KCNC2: variants seen among roughly 807,000 people sequenced by gnomAD.
The protein encoded by KCNC2 is potassium voltage-gated channel subfamily C member 2.
KCNC2 carries 21 observed loss-of-function variants against 44.5 expected under a neutral mutation model. That is an observed-to-expected ratio of 0.47 (90% CI 0.33 to 0.68). The LOEUF is 0.68. KCNC2 is among the 30% of genes least tolerant of loss of function. KCNC2 has a pLI of 0.01. For synonymous variants in KCNC2, 391 were observed against 339.1 expected (o/e 1.15, Z -1.68); for missense variants, 589 against 826.2 (o/e 0.71, Z 3.52).
intron 2 of KCNC2, among the ~76,000 whole-genome samples, chr12:75,200,056 G>A (rs2031109053): frequency 6.6e-6 from 1 of 151,602 alleles, no homozygotes; most frequent in South Asian, 2.1e-4. Flanking sequence ...CAACTGGAAG[G>A]GAATCTTGAA....
chr12:75,047,194 G>A (rs1339060559), intron 4 of KCNC2, among the ~76,000 whole-genome samples: 1 of 151,946 alleles, frequency 6.6e-6, no homozygotes, highest in African/African-American at 2.4e-5. Context: ...AACTGGAATT[G>A]TCAAAGTAGA....
At chr12:75,105,044 T>C (rs897749517) in intron 2 of KCNC2, among the ~76,000 whole-genome samples, 5 of 152,134 alleles carry the variant, frequency 3.3e-5, no homozygotes, top group African/African-American at 1.2e-4. Context: ...TTTATTCTGG[T>C]AGAGAAGTCA....
At position 75,042,977 on chromosome 12, in the gene KCNC2, G is replaced by A; in HGVS notation, c.*128C>T. 1 of 1,424,744 alleles carries A rather than the reference G, an allele frequency of 7.0e-7. No individual in the cohort carries two copies. Among genetic ancestry groups the A allele is most frequent in the Non-Finnish European group, 9.2e-7 (1 of 1,088,290 alleles). The allele number at this position is 1,424,744 out of a possible 1,614,324, so 88.3% of individuals were successfully genotyped here. A position where few individuals can be genotyped will look rare whatever the true frequency, so the allele number is the denominator to read the frequency against. On this transcript the variant is annotated 3_prime_UTR_variant, in exon 5 of 5. Coordinates refer to ENST00000549446, the MANE Select transcript of KCNC2 (RefSeq NM_139137.4). The stretch of plus-strand genomic sequence containing the variant: ...GTGGCATTTCTGACTTCAAATTGTA[G>A]TATCATGCAAGATTTATACTGTATT...
intron 2 of KCNC2, among the ~76,000 whole-genome samples, chr12:75,204,560 A>G (rs1252724591): frequency 1.3e-5 from 2 of 152,168 alleles, no homozygotes; most frequent in Non-Finnish European, 2.9e-5. Flanking sequence ...ATGTTAAAAA[A>G]TAAGAGTGTT....
intron 2 of KCNC2, among the ~76,000 whole-genome samples, chr12:75,194,470 A>C (rs754985009): frequency 2.0e-5 from 3 of 152,180 alleles, no homozygotes. Flanking sequence ...TCTAGCCTCC[A>C]AAACTGTAAG....
intron 2 of KCNC2, among the ~76,000 whole-genome samples, chr12:75,076,038 T>TACACACACACAC (rs71078709): frequency 3.5e-4 from 50 of 141,412 alleles, no homozygotes; most frequent in East Asian, 2.7e-3. Context: ...TAATGTTACA[T>TACACACACACAC]ACACACACAC....
At chr12:75,106,673 A>C (rs1307547237) in intron 2 of KCNC2, among the ~76,000 whole-genome samples, 2 of 152,176 alleles carry the variant, frequency 1.3e-5, no homozygotes, top group Non-Finnish European at 2.9e-5. Flanking sequence ...TAGAAGGTAA[A>C]TAAAAAACAC....
chr12:75,054,405 G>T (rs1881517952), intron 2 of KCNC2, among the ~76,000 whole-genome samples: 1 of 151,908 alleles, frequency 6.6e-6, no homozygotes, highest in African/African-American at 2.4e-5. Context: ...TTCTGAAGAG[G>T]GGAAAAGGAA....
At chr12:75,163,089 A>G (rs1314557298) in intron 2 of KCNC2, among the ~76,000 whole-genome samples, 1 of 151,716 alleles carries the variant, frequency 6.6e-6, no homozygotes, top group Non-Finnish European at 1.5e-5. Flanking sequence ...GGCATGCTCT[A>G]TTTGCTCTAA....
intron 2 of KCNC2, among the ~76,000 whole-genome samples, chr12:75,055,727 G>C (rs565534266): frequency 6.6e-6 from 1 of 152,100 alleles, no homozygotes; most frequent in Non-Finnish European, 1.5e-5. Context: ...GAATGGCCAG[G>C]ACTCTTATTT....
chr12:75,143,227 G>A (rs1283013628), intron 2 of KCNC2, among the ~76,000 whole-genome samples: 1 of 152,168 alleles, frequency 6.6e-6, no homozygotes, highest in South Asian at 2.1e-4. Context: ...AAGTGAGGGA[G>A]TTGACCTCGG....
At chr12:75,079,466 G>C (rs753583869) in intron 2 of KCNC2, among the ~76,000 whole-genome samples, 1 of 152,080 alleles carries the variant, frequency 6.6e-6, no homozygotes, top group Non-Finnish European at 1.5e-5. Flanking sequence ...ACATTTTGTT[G>C]ACTACATGAA....
intron 2 of KCNC2, among the ~76,000 whole-genome samples, chr12:75,158,744 G>A (rs1051687165): frequency 2.6e-5 from 4 of 151,820 alleles, no homozygotes; most frequent in African/African-American, 9.7e-5. Flanking sequence ...GATCTGGGTA[G>A]TTACACTTCA....
At chr12:75,098,019 T>C (rs1427838930) in intron 2 of KCNC2, among the ~76,000 whole-genome samples, 1 of 152,068 alleles carries the variant, frequency 6.6e-6, no homozygotes. Flanking sequence ...AAGCTTATTA[T>C]TTACATTATT....
chr12:75,185,146 C>A (rs1049743391), intron 2 of KCNC2, among the ~76,000 whole-genome samples: 8 of 152,078 alleles, frequency 5.3e-5, no homozygotes, highest in Admixed American at 1.3e-4. Context: ...ACTTAACTTG[C>A]AATTCTTAAT....
intron 2 of KCNC2, among the ~76,000 whole-genome samples, chr12:75,166,888 A>T (rs1036159207): frequency 1.4e-4 from 21 of 151,288 alleles, no homozygotes; most frequent in Non-Finnish European, 2.5e-4. Flanking sequence ...CACCCTAAGA[A>T]TTAGGAAAAG....
chr12:75,182,001 T>C (rs1026450888), intron 2 of KCNC2, among the ~76,000 whole-genome samples: 2 of 131,828 alleles, frequency 1.5e-5, no homozygotes. Context: ...CTCAATCTCC[T>C]GAACTCATGA....
rs886578029 is a variant in KCNC2 at position 75,042,573 on chromosome 12, G to A, written c.*532C>T. 1.0e-5 allele frequency: 14 copies of A among 1,377,312 alleles called. No homozygotes were observed. The highest frequency in any genetic ancestry group is 1.3e-5 in the Non-Finnish European group (14 of 1,067,748). 85.3% of individuals were successfully genotyped at this position (1,377,312 alleles called of 1,614,324 possible). On this transcript the variant is annotated 3_prime_UTR_variant, in exon 5 of 5. Transcript: ENST00000549446. ...ACCAATGCTTTCATATCAGCAGGAT[G>A]GTTCGATGCAAGTACACATATCCTG...
intron 2 of KCNC2, among the ~76,000 whole-genome samples, chr12:75,150,178 A>G (rs1434342833): frequency 6.6e-6 from 1 of 151,846 alleles, no homozygotes; most frequent in Non-Finnish European, 1.5e-5. Context: ...CTTTATTACA[A>G]CAAAAATTCA....
Sources: gnomAD v4.1 joint callset for allele counts (sites outside exome capture counted in the v4.1 genomes callset) on GRCh38, gnomAD v4.1.1 for gene constraint, MANE v1.5 for transcripts, NCBI Gene and HGNC (gene_info 2026-07-23, HGNC 2026-07-21) for gene names.